GPD2: variants seen among roughly 807,000 people sequenced by gnomAD.
GPD2 encodes the protein glycerol-3-phosphate dehydrogenase 2.
GPD2 carries 54 observed loss-of-function variants against 82.4 expected under a neutral mutation model. The ratio of observed to expected loss-of-function variants is 0.66; its 90% CI spans 0.53 to 0.82. The LOEUF is 0.82. Among genes scored for constraint, GPD2 ranks in the 40% least tolerant of loss-of-function variants. The pLI, the probability that GPD2 is intolerant of heterozygous loss-of-function variation, is 0.00. For missense variants in GPD2, 748 were observed against 896.2 expected (o/e 0.83, Z 2.11); for synonymous variants, 288 against 306.1 (o/e 0.94, Z 0.62).
At chr2:156,552,414 C>A (rs576020970) in intron 8 of GPD2, among the ~76,000 whole-genome samples, 2 of 152,146 alleles carry the variant, frequency 1.3e-5, no homozygotes, top group South Asian at 4.1e-4. Flanking sequence ...ACATTAGTTC[C>A]AGATGCAATT....
At position 156,476,119 on chromosome 2, in the gene GPD2, A is replaced by C; in HGVS notation, c.14A>C (p.Lys5Thr). 1 of 1,598,490 alleles carries C rather than the reference A, an allele frequency of 6.3e-7. No homozygotes were observed. The highest frequency in any genetic ancestry group is 1.1e-5 in the South Asian group (1 of 90,700). The change falls in exon 2 of 17, where the codon AAG (lysine) becomes ACG (threonine). Residue 5 changes from lysine (K) to threonine (T), a missense_variant. Lys to Thr is a moderately conservative substitution (Grantham distance 78, BLOSUM62 -1). This residue lies in a region of GPD2 where 692 missense variants were observed against 809.7 expected (regional missense o/e 0.85). Transcript: ENST00000438166. MAFQ[K>T]AVKGTILVGG... ...GTAGGCTAAGAAATGGCATTTCAAA[A>C]GGCAGTGAAAGGGACGATTCTTGTT...
intron 3 of GPD2, among the ~76,000 whole-genome samples, chr2:156,498,566 G>A (rs297578): frequency 0.68 from 103,831 of 152,008 alleles, 35,640 homozygotes; most frequent in Middle Eastern, 0.82. Flanking sequence ...CTATATATGA[G>A]AGAACACATG....
intron 15 of GPD2, 143 bp downstream of exon 15, chr2:156,579,307 TA>T (rs201178512): frequency 6.8e-5 from 41 of 606,552 alleles, no homozygotes; most frequent in African/African-American, 6.3e-4. Context: ...AGCATATTTA[TA>T]ATTTTTTTTC....
chr2:156,479,904 A>G (rs1683659430), intron 2 of GPD2, among the ~76,000 whole-genome samples: 2 of 152,162 alleles, frequency 1.3e-5, no homozygotes. Flanking sequence ...GCTGTATGCC[A>G]AGGAACAAGA....
chr2:156,547,184 A>T (rs1686574077), intron 6 of GPD2, among the ~76,000 whole-genome samples: 1 of 152,208 alleles, frequency 6.6e-6, no homozygotes, highest in Non-Finnish European at 1.5e-5. Context: ...AAGTAGATGG[A>T]CACATGGATG....
chr2:156,533,431 C>T (rs990500924), intron 6 of GPD2, among the ~76,000 whole-genome samples: 1 of 152,150 alleles, frequency 6.6e-6, no homozygotes, highest in South Asian at 2.1e-4. Context: ...AATTGCAGGG[C>T]TTCTTGACCA....
chr2:156,496,700 T>G (rs1173821245), intron 3 of GPD2, among the ~76,000 whole-genome samples: 2 of 152,086 alleles, frequency 1.3e-5, no homozygotes, highest in African/African-American at 4.8e-5. Flanking sequence ...TTTATGAGTT[T>G]ATTAATTTGT....
chr2:156,528,608 G>A (rs1246417215), intron 6 of GPD2, among the ~76,000 whole-genome samples: 1 of 107,362 alleles, frequency 9.3e-6, no homozygotes, highest in East Asian at 2.8e-4. Context: ...CCCACAACAG[G>A]CCCCAGAGTG....
Position 156,584,595 on chromosome 2 carries a change from C to T in GPD2, c.*1677C>T, listed in dbSNP as rs1574028845. 2 of 152,404 alleles carry T rather than the reference C, an allele frequency of 1.3e-5. No individual in the cohort carries two copies. Among genetic ancestry groups the T allele is most frequent in the Admixed American group, 6.6e-5 (1 of 15,204 alleles). The allele number at this position is 152,404 out of a possible 1,614,324, so 9.4% of individuals were successfully genotyped here. A position where few individuals can be genotyped will look rare whatever the true frequency, so the allele number is the denominator to read the frequency against. On this transcript the variant is annotated 3_prime_UTR_variant, in exon 17 of 17. Coordinates refer to ENST00000438166, the MANE Select transcript of GPD2 (RefSeq NM_000408.5). ...TTTTGTTTTTAAATGAGGTTTTAGA[C>T]GCTTGCCACTTCCTAAGGGAAATCC...
At chr2:156,401,864 A>C in the GPD2 span, among the ~76,000 whole-genome samples, 1 of 152,334 alleles carries the variant, frequency 6.6e-6, no homozygotes, top group Non-Finnish European at 1.5e-5. Context: ...TAGGAGGGGA[A>C]AAAAATAAAG....
At chr2:156,445,102 T>TAAATTG (rs1682323977) in intron 1 of GPD2, among the ~76,000 whole-genome samples, 1 of 152,210 alleles carries the variant, frequency 6.6e-6, no homozygotes, top group Non-Finnish European at 1.5e-5. Flanking sequence ...CCTAACGTGG[T>TAAATTG]CTTTTTCTTA....
intron 10 of GPD2, 151 bp downstream of exon 10, chr2:156,569,110 T>A: frequency 1.4e-6 from 1 of 722,566 alleles, no homozygotes; most frequent in Non-Finnish European, 2.4e-6. Flanking sequence ...ATTACAGGCA[T>A]GAGCCACTAC....
In GPD2 at chr2:156,566,082, C is replaced by T. The variant is rs373161221; in HGVS notation, c.1166-2743C>T. Among the ~76,000 whole-genome samples, 84 of 152,200 alleles carry T rather than the reference C, an allele frequency of 5.5e-4. 1 individual carries two copies. Among genetic ancestry groups the T allele is most frequent in the African/African-American group, 1.9e-3 (78 of 41,560 alleles). On this transcript the variant is annotated intron_variant, in intron 9 of 16. Coordinates refer to ENST00000438166, the MANE Select transcript of GPD2 (RefSeq NM_000408.5). ...TGGGATTTATGGATTTGAACTAAAA[C>T]ATGGACATGGTATGGGCTAATAAAG...
intron 16 of GPD2, among the ~76,000 whole-genome samples, chr2:156,581,204 A>G (rs1688012008): frequency 6.6e-6 from 1 of 152,142 alleles, no homozygotes; most frequent in South Asian, 2.1e-4. Flanking sequence ...TCCAATTCCA[A>G]ATGAAAGGGA....
chr2:156,523,731 A>T (rs1027147439), intron 6 of GPD2, among the ~76,000 whole-genome samples: 5 of 149,144 alleles, frequency 3.4e-5, no homozygotes, highest in Admixed American at 6.7e-5. Context: ...TTTTATGGAG[A>T]TGGGGTCTTG....
intron 16 of GPD2, 106 bp from the exon 17 acceptor site, chr2:156,582,687 G>C (rs1001027288): frequency 5.8e-6 from 7 of 1,199,362 alleles, no homozygotes; most frequent in Non-Finnish European, 8.7e-6. Context: ...GTTTTTGATG[G>C]AGCACTTAAT....
the GPD2 span, among the ~76,000 whole-genome samples, chr2:156,407,436 A>C: frequency 6.6e-6 from 1 of 152,190 alleles, no homozygotes; most frequent in Non-Finnish European, 1.5e-5. Context: ...TTCTTAGAAC[A>C]CATAGAGCTA....
At chr2:156,513,310 T>C (rs767538818) in intron 5 of GPD2, 23 bp from the exon 6 acceptor site, 99 of 1,561,982 alleles carry the variant, frequency 6.3e-5, no homozygotes, top group Middle Eastern at 4.5e-4. Context: ...TCTGAAGAAC[T>C]TTCCCCCCTA....
At chr2:156,424,616 T>A in the GPD2 span, among the ~76,000 whole-genome samples, 1 of 152,354 alleles carries the variant, frequency 6.6e-6, no homozygotes, top group East Asian at 1.9e-4. Flanking sequence ...ATTTGAAGAC[T>A]AGATGTGAGC....
Sources: allele counts gnomAD v4.1 joint callset (sites outside exome capture counted in the v4.1 genomes callset), GRCh38; gene constraint gnomAD v4.1.1; regional missense constraint gnomAD v4.1.1; transcripts MANE v1.5; gene names NCBI Gene and HGNC (gene_info 2026-07-23, HGNC 2026-07-21).